Variants in WDR82 observed in about 807,000 individuals in gnomAD.
WDR82 encodes the protein WD repeat-containing protein 82.
Under a neutral mutation model 36.1 loss-of-function variants are expected in WDR82, and 8 were observed. That is an observed-to-expected ratio of 0.22 (90% CI 0.13 to 0.40). The LOEUF is 0.40. WDR82 is among the 10% of genes least tolerant of loss of function. The pLI is 1.00. For missense variants in WDR82, 185 were observed against 400.5 expected, an observed-to-expected ratio of 0.46 and a Z score of 4.59; for synonymous variants, 129 against 137.8, an observed-to-expected ratio of 0.94 and a Z score of 0.45.
chr3:52,257,842 C>T (rs1254663788), intron 8 of WDR82, among the ~76,000 whole-genome samples: 1 of 151,926 alleles, frequency 6.6e-6, no homozygotes, highest in East Asian at 1.9e-4. Flanking sequence ...CATTGCTAAT[C>T]CACCAGGTTA....
intron 7 of WDR82, among the ~76,000 whole-genome samples, chr3:52,258,975 CACCAGGACA>C (rs1700036397): frequency 6.6e-6 from 1 of 152,234 alleles, no homozygotes; most frequent in South Asian, 2.1e-4. Context: ...TGTAGGGTTA[CACCAGGACA>C]TTAGCATTAC....
intron 3 of WDR82, among the ~76,000 whole-genome samples, chr3:52,261,740 C>A (rs1486988021): frequency 6.6e-6 from 1 of 152,152 alleles, no homozygotes; most frequent in African/African-American, 2.4e-5. Flanking sequence ...TACTACTCCA[C>A]ACCCTCTAGC....
intron 2 of WDR82, 162 bp from the exon 3 acceptor site, chr3:52,267,180 G>A (rs916569612): frequency 3.2e-5 from 16 of 501,024 alleles, no homozygotes; most frequent in South Asian, 2.4e-4. Context: ...CAGCTGAAGA[G>A]TGGGTATGTA....
intron 3 of WDR82, among the ~76,000 whole-genome samples, chr3:52,265,499 C>T (rs1021662267): frequency 1.3e-5 from 2 of 151,620 alleles, no homozygotes; most frequent in African/African-American, 4.8e-5. Flanking sequence ...AACCAGTTAC[C>T]ACTGGTTGCC....
In WDR82 at chr3:52,254,503, T is replaced by G. The variant is rs1481826449; in HGVS notation, c.*2987A>C. ...TACAAAAGGGACATAAAATTGTATA[T>G]ACAGAATAACGACTATGTAAACACA... On this transcript the variant is annotated 3_prime_UTR_variant, in exon 9 of 9. Transcript: ENST00000296490. 5 of 152,606 alleles carry G rather than the reference T, an allele frequency of 3.3e-5. No homozygotes were observed. Among genetic ancestry groups the G allele is most frequent in the African/African-American group, 1.2e-4 (5 of 41,440 alleles). 9.5% of individuals were successfully genotyped at this position (152,606 alleles called of 1,614,324 possible).
intron 3 of WDR82, among the ~76,000 whole-genome samples, chr3:52,265,299 CAAAAAAAAAAAAAAAAAAAAAA>C (rs869189597): frequency 1.1e-4 from 5 of 43,782 alleles, no homozygotes; most frequent in South Asian, 1.3e-3. Context: ...GACTCTGTCT[CAAAAAAAAAAAAAAAAAAAAAA>C]AAAAAAAAAA....
intron 3 of WDR82, among the ~76,000 whole-genome samples, chr3:52,261,829 G>A (rs1031251565): frequency 1.3e-5 from 2 of 152,172 alleles, no homozygotes; most frequent in Admixed American, 6.5e-5. Flanking sequence ...TAATGGAAAT[G>A]TAAAAATGGT....
Position 52,260,513 on chromosome 3 carries a change from G to A in WDR82, c.427-12C>T. 1 of 1,535,322 alleles carries A rather than the reference G, an allele frequency of 6.5e-7. No individual in the cohort carries two copies. Among genetic ancestry groups the A allele is most frequent in the Non-Finnish European group, 8.7e-7 (1 of 1,143,384 alleles). ...AGATGCATGAGGCCCTAAGAGAAAAGAAATAAGAAATACACTAAAACACAC... is the reference window on the plus strand; with the variant it reads ...AGATGCATGAGGCCCTAAGAGAAAAAAAATAAGAAATACACTAAAACACAC... On this transcript the variant is annotated splice_polypyrimidine_tract_variant and intron_variant, in intron 4 of 8. Transcript: ENST00000296490.
At chr3:52,263,538 A>G (rs1053875271) in intron 3 of WDR82, among the ~76,000 whole-genome samples, 1 of 152,262 alleles carries the variant, frequency 6.6e-6, no homozygotes, top group African/African-American at 2.4e-5. Context: ...ATGGTAAGAG[A>G]TGGGAAGATT....
At chr3:52,266,847 T>C in intron 3 of WDR82, 105 bp downstream of exon 3, 2 of 912,426 alleles carry the variant, frequency 2.2e-6, no homozygotes, top group East Asian at 2.6e-5. Context: ...CAAGCAGTAG[T>C]GAGGAAGTAG....
In WDR82 at chr3:52,278,587, GGACAACCGGCGCGTCGCC is replaced by G. The variant is rs1239834019; in HGVS notation, c.-244_-227del. Reference sequence around the variant, plus strand: ...CCGTTCGTCCTCACAGCCACCTCACGGACAACCGGCGCGTCGCCGGCTCATTGTGTCCGCCATTTTGGG... The same window carrying G: ...CCGTTCGTCCTCACAGCCACCTCACGGGCTCATTGTGTCCGCCATTTTGGG... On this transcript the variant is annotated 5_prime_UTR_variant, in exon 1 of 9. Coordinates refer to ENST00000296490, the MANE Select transcript of WDR82 (RefSeq NM_025222.4). The G allele has an allele frequency of 2.0e-5, 8 of 409,116 alleles. No individual in the cohort carries two copies. Among genetic ancestry groups the G allele is most frequent in the Non-Finnish European group, 3.0e-5 (7 of 236,086 alleles). 25.3% of individuals were successfully genotyped at this position (409,116 alleles called of 1,614,324 possible).
In WDR82 at chr3:52,278,496, G is replaced by C. The variant is rs1330964183; in HGVS notation, c.-135C>G. On this transcript the variant is annotated 5_prime_UTR_variant, in exon 1 of 9. Transcript: ENST00000296490. Reference sequence around the variant, plus strand: ...CTAGCGGGAAGTCGGCCAACAGTTGGGCCGCCTCCTCCTCTTCTTCCTGCT... The same window carrying C: ...CTAGCGGGAAGTCGGCCAACAGTTGCGCCGCCTCCTCCTCTTCTTCCTGCT... 5.5e-6 allele frequency: 4 copies of C among 724,084 alleles called. No individual in the cohort carries two copies. Among genetic ancestry groups the C allele is most frequent in the Non-Finnish European group, 7.6e-6 (4 of 527,414 alleles). The allele number at this position is 724,084 out of a possible 1,614,324, so 44.9% of individuals were successfully genotyped here.
rs1700013002 is a variant in WDR82 at position 52,256,751 on chromosome 3, A to G, written c.*739T>C. On this transcript the variant is annotated 3_prime_UTR_variant, in exon 9 of 9. Transcript: ENST00000296490. ...GCACCAGGCTGCTGCTAAACCTTCC[A>G]GCCCTAGGAACTCACCTGCTACCCT... is the stretch of plus-strand genomic sequence containing the variant. 6.5e-6 allele frequency: 1 copy of G among 153,578 alleles called. No homozygotes were observed. The highest frequency in any genetic ancestry group is 1.5e-5 in the Non-Finnish European group (1 of 68,068). The allele number at this position is 153,578 out of a possible 1,614,324, so 9.5% of individuals were successfully genotyped here.
rs1161512838 is a variant in WDR82 at position 52,256,481 on chromosome 3, G to A, written c.*1009C>T. On this transcript the variant is annotated 3_prime_UTR_variant, in exon 9 of 9. Coordinates refer to ENST00000296490, the MANE Select transcript of WDR82 (RefSeq NM_025222.4). ...AACGCTAAATATGACATATAACACA[G>A]GCCTAGAACCAGCTCTTGGTTGGGA... is the stretch of plus-strand genomic sequence containing the variant. 2 of 153,686 alleles carry A rather than the reference G, an allele frequency of 1.3e-5. No individual in the cohort carries two copies. The highest frequency in any genetic ancestry group is 2.9e-5 in the Non-Finnish European group (2 of 68,050). 9.5% of individuals were successfully genotyped at this position (153,686 alleles called of 1,614,324 possible).
chr3:52,272,109 C>T (rs1160569161), intron 1 of WDR82, among the ~76,000 whole-genome samples: 1 of 152,100 alleles, frequency 6.6e-6, no homozygotes, highest in South Asian at 2.1e-4. Context: ...CAAAAAATCA[C>T]ACATTTCCAA....
chr3:52,274,655 G>A (rs1700186462), intron 1 of WDR82, among the ~76,000 whole-genome samples: 1 of 152,182 alleles, frequency 6.6e-6, no homozygotes, highest in South Asian at 2.1e-4. Flanking sequence ...AGCACTCTGG[G>A]AGGCCGAGGA....
At chr3:52,277,854 T>C (rs1298517295) in intron 1 of WDR82, among the ~76,000 whole-genome samples, 1 of 152,106 alleles carries the variant, frequency 6.6e-6, no homozygotes, top group Non-Finnish European at 1.5e-5. Flanking sequence ...ACCAGCACCT[T>C]TGACAGCCTG....
At chr3:52,269,375 T>G (rs185847248) in intron 2 of WDR82, among the ~76,000 whole-genome samples, 1 of 152,178 alleles carries the variant, frequency 6.6e-6, no homozygotes. Context: ...CTTGGGAGGC[T>G]GAGGCAAGAG....
rs148537978 is a variant in WDR82, at chr3:52,276,246, C to T, written c.161+1955G>A. ...GTCAGGAGTTCAAGACCAGTCTGGT[C>T]AACATGGTGAAACCCCATCTCTACT... On this transcript the variant is annotated intron_variant, in intron 1 of 8. Coordinates refer to ENST00000296490, the MANE Select transcript of WDR82 (RefSeq NM_025222.4). 4.3e-3 allele frequency among the ~76,000 whole-genome samples: 655 copies of T among 152,188 alleles called. 18 individuals are homozygous for T. Among genetic ancestry groups the T allele is most frequent in the Admixed American group, 0.039 (590 of 15,274 alleles).
Sources: allele counts gnomAD v4.1 joint callset (sites outside exome capture counted in the v4.1 genomes callset), GRCh38; gene constraint gnomAD v4.1.1; transcripts MANE v1.5; gene names NCBI Gene and HGNC (gene_info 2026-07-23, HGNC 2026-07-21).